The following CFAP54 variants were observed in gnomAD, a reference collection of about 807,000 sequenced individuals.
The protein encoded by CFAP54 is cilia- and flagella-associated protein 54.
Under a neutral mutation model 370.4 loss-of-function variants are expected in CFAP54, and 290 were observed. The observed-to-expected ratio is 0.78, with a 90% confidence interval of 0.71 to 0.86. The LOEUF (loss-of-function observed/expected upper bound fraction) is 0.86. Ranked by LOEUF, CFAP54 falls within the 40% of genes least tolerant of loss-of-function variation. CFAP54 has a pLI of 0.00. For missense variants in CFAP54, 3,399 were observed against 3,528.7 expected (o/e 0.96, Z 0.93); for synonymous variants, 1,206 against 1,236.5 (o/e 0.98, Z 0.52).
chr12:96,517,185 A>C (rs1955245450), intron 5 of CFAP54, among the ~76,000 whole-genome samples: 1 of 152,136 alleles, frequency 6.6e-6, no homozygotes, highest in African/African-American at 2.4e-5. Context: ...TAAGTGGTTT[A>C]TGGTGAGCTT....
At chr12:96,741,320 C>T (rs985823438) in intron 51 of CFAP54, among the ~76,000 whole-genome samples, 2 of 152,128 alleles carry the variant, frequency 1.3e-5, no homozygotes, top group African/African-American at 4.8e-5. Flanking sequence ...GTGCCTGCCA[C>T]CATGCCTGTC....
Position 96,684,976 on chromosome 12 carries a change from T to G in CFAP54, c.5805-53T>G, listed in dbSNP as rs1157651516. On this transcript the variant is annotated intron_variant, in intron 41 of 67. Coordinates refer to ENST00000524981, the MANE Select transcript of CFAP54 (RefSeq NM_001306084.2). ...TTTGCTTTCCCTTCTGGAAGATAGA[T>G]TTAATAATGGGTCTCAGAAAACTTA... 3 of 1,555,818 alleles carry G rather than the reference T, an allele frequency of 1.9e-6. No homozygotes were observed. In the East Asian group the frequency reaches 6.8e-5, roughly 35 times the overall value.
At chr12:96,711,483 A>G (rs1181027030) in intron 48 of CFAP54, among the ~76,000 whole-genome samples, 1 of 152,058 alleles carries the variant, frequency 6.6e-6, no homozygotes, top group Non-Finnish European at 1.5e-5. Context: ...TAAGCTAGAG[A>G]CTCTGTCCCA....
chr12:96,551,327 G>A (rs924455952), intron 15 of CFAP54, among the ~76,000 whole-genome samples: 3 of 152,088 alleles, frequency 2.0e-5, no homozygotes, highest in Non-Finnish European at 2.9e-5. Context: ...ATAAGGAGAT[G>A]CCTCAACTTG....
At chr12:96,674,405 A>G (rs1055916070) in intron 39 of CFAP54, among the ~76,000 whole-genome samples, 1 of 130,064 alleles carries the variant, frequency 7.7e-6, no homozygotes, top group Non-Finnish European at 1.6e-5. Context: ...TGAGGCTACT[A>G]GTGCCTTTGG....
intron 46 of CFAP54, among the ~76,000 whole-genome samples, chr12:96,702,386 G>A (rs1204421223): frequency 2.0e-5 from 3 of 152,064 alleles, no homozygotes; most frequent in Non-Finnish European, 4.4e-5. Context: ...TTAAAATCAC[G>A]GAACTAGATG....
chr12:96,573,017 G>A lies in CFAP54; in HGVS notation c.2620-3568G>A, dbSNP rs543301200. The stretch of plus-strand genomic sequence containing the variant: ...GGCAAATTTTGAGATCAAATTTGGA[G>A]CCCAGAGAGGCTGGCTGGTCAGTGG... On this transcript the variant is annotated intron_variant, in intron 19 of 67. Coordinates refer to ENST00000524981, the MANE Select transcript of CFAP54 (RefSeq NM_001306084.2). The A allele has an allele frequency of 1.6e-5, 16 of 985,434 alleles. No individual in the cohort carries two copies. In the East Asian group the frequency reaches 1.7e-3, roughly 105 times the overall value. 61.0% of individuals were successfully genotyped at this position (985,434 alleles called of 1,614,324 possible).
At chr12:96,514,695 G>A (rs1955210901) in intron 5 of CFAP54, among the ~76,000 whole-genome samples, 1 of 152,166 alleles carries the variant, frequency 6.6e-6, no homozygotes, top group Non-Finnish European at 1.5e-5. Flanking sequence ...ATTTTAAAGT[G>A]ACAGTCATCT....
intron 19 of CFAP54, among the ~76,000 whole-genome samples, chr12:96,568,572 C>T (rs1955884114): frequency 6.6e-6 from 1 of 152,134 alleles, no homozygotes; most frequent in South Asian, 2.1e-4. Flanking sequence ...TTAAAGAAGA[C>T]AAATACATTT....
At chr12:96,776,104 AT>A (rs955998635) in intron 60 of CFAP54, among the ~76,000 whole-genome samples, 2 of 152,146 alleles carry the variant, frequency 1.3e-5, no homozygotes, top group African/African-American at 4.8e-5. Context: ...GAAAGTTGTA[AT>A]TTTAGGGGAA....
intron 60 of CFAP54, among the ~76,000 whole-genome samples, chr12:96,776,826 A>C (rs1209224828): frequency 6.6e-6 from 1 of 152,196 alleles, no homozygotes; most frequent in African/African-American, 2.4e-5. Flanking sequence ...AGGCATTTGG[A>C]AAATATGGAC....
chr12:96,716,854 G>A (rs1278093868), intron 48 of CFAP54, among the ~76,000 whole-genome samples: 2 of 152,206 alleles, frequency 1.3e-5, no homozygotes, highest in African/African-American at 4.8e-5. Context: ...TCAGAAAGGA[G>A]AGGAGTATGC....
chr12:96,826,791 A>G (rs1454525413), intron 65 of CFAP54, among the ~76,000 whole-genome samples: 1 of 112,624 alleles, frequency 8.9e-6, no homozygotes, highest in Non-Finnish European at 1.6e-5. Context: ...AATTATAAAT[A>G]ATATATAATT....
At chr12:96,490,997 G>A (rs534981118) in intron 1 of CFAP54, among the ~76,000 whole-genome samples, 6 of 151,496 alleles carry the variant, frequency 4.0e-5, no homozygotes, top group Non-Finnish European at 8.8e-5. Context: ...TTTTGAGACA[G>A]GGTCTCACTC....
chr12:96,728,910 C>A (rs1261824072), intron 50 of CFAP54, among the ~76,000 whole-genome samples: 4 of 152,234 alleles, frequency 2.6e-5, no homozygotes, highest in Admixed American at 6.5e-5. Context: ...GGACCCTCAG[C>A]TGCAGGTCTG....
At chr12:96,644,830 G>A (rs771336691) in intron 33 of CFAP54, among the ~76,000 whole-genome samples, 3 of 152,192 alleles carry the variant, frequency 2.0e-5, no homozygotes, top group Admixed American at 6.5e-5. Flanking sequence ...CCCTTGACAC[G>A]TGGGGATTAT....
At chr12:96,531,611 G>A (rs1055545478) in intron 9 of CFAP54, among the ~76,000 whole-genome samples, 2 of 152,026 alleles carry the variant, frequency 1.3e-5, no homozygotes. Context: ...ATTCTGGGAA[G>A]CTTCCTCTAT....
chr12:96,556,272 A>G (rs1190932073), intron 17 of CFAP54, among the ~76,000 whole-genome samples: 1 of 152,072 alleles, frequency 6.6e-6, no homozygotes, highest in Non-Finnish European at 1.5e-5. Context: ...ATTTGGCTGC[A>G]TTAATATAAA....
intron 43 of CFAP54, 148 bp from the exon 44 acceptor site, chr12:96,690,980 A>G (rs1245671298): frequency 1.5e-6 from 1 of 658,706 alleles, no homozygotes; most frequent in African/African-American, 1.9e-5. Context: ...TGATGATAAT[A>G]TAAATGATAA....
Sources: gnomAD v4.1 joint callset for allele counts (sites outside exome capture counted in the v4.1 genomes callset) on GRCh38, gnomAD v4.1.1 for gene constraint, MANE v1.5 for transcripts, NCBI Gene and HGNC (gene_info 2026-07-23, HGNC 2026-07-21) for gene names.